The following ABCB9 variants were observed in gnomAD, a reference collection of about 807,000 sequenced individuals.
ABCB9 encodes ABC-type oligopeptide transporter ABCB9.
A neutral mutation model predicts 62.0 loss-of-function variants in ABCB9; 36 were observed. The observed-to-expected ratio is 0.58, with a 90% CI of 0.45 to 0.77. ABCB9 has a LOEUF of 0.77. Ranked by LOEUF, ABCB9 falls within the 30% of genes least tolerant of loss-of-function variation. The pLI is 0.00. For missense variants in ABCB9, 943 were observed against 1,054.7 expected, an observed-to-expected ratio of 0.89 and a Z score of 1.47; for synonymous variants, 435 against 461.4, an observed-to-expected ratio of 0.94 and a Z score of 0.73.
intron 10 of ABCB9, among the ~76,000 whole-genome samples, chr12:122,934,640 C>CAAA (rs371538708): frequency 2.3e-5 from 2 of 88,104 alleles, no homozygotes; most frequent in Admixed American, 1.3e-4. Flanking sequence ...GCCCCTGCCT[C>CAAA]AAAAAAAAAA....
At chr12:122,946,667 C>T (rs1054248005) in intron 5 of ABCB9, among the ~76,000 whole-genome samples, 2 of 152,232 alleles carry the variant, frequency 1.3e-5, no homozygotes, top group African/African-American at 4.8e-5. Flanking sequence ...ACATCATCAA[C>T]ATAAATTATG....
chr12:122,945,220 G>A (rs983275032), intron 6 of ABCB9, among the ~76,000 whole-genome samples: 1 of 152,164 alleles, frequency 6.6e-6, no homozygotes, highest in Admixed American at 6.5e-5. Flanking sequence ...GCACCAGGAA[G>A]TCCCAGATAT....
chr12:122,963,984 G>A (rs899490124), intron 1 of ABCB9, among the ~76,000 whole-genome samples: 5 of 152,198 alleles, frequency 3.3e-5, no homozygotes, highest in African/African-American at 4.8e-5. Flanking sequence ...GGGAGCGAGC[G>A]AGTGGGTGAG....
rs755843136 is a variant in ABCB9 at position 122,960,053 on chromosome 12, C to T, written c.183G>A (p.Leu61=). The T allele has an allele frequency of 1.9e-6, 3 of 1,613,418 alleles. No individual in the cohort carries two copies. In the African/African-American group the frequency reaches 4.0e-5, roughly 22 times the overall value. Residue 61 remains leucine (L), a synonymous_variant, in exon 2 of 12, where the codon CTG becomes CTA. Coordinates refer to ENST00000280560, the MANE Select transcript of ABCB9 (RefSeq NM_019625.4). ...TGGCCACACCAATGGTGGCTCCCAG[C>T]AGCAGGCAGCTGCGGTACAGGCAGG... The part of the protein sequence containing the change: ...WAACLYRSCL[L]LGATIGVAKN...
intron 4 of ABCB9, chr12:122,949,133 A>C: frequency 4.5e-5 from 11 of 246,732 alleles, no homozygotes; most frequent in Non-Finnish European, 7.0e-5. Context: ...CTTCAAACCC[A>C]TGTCTCCTCC....
chr12:122,944,451 C>T lies in ABCB9; in HGVS notation c.1320G>A (p.Met440Ile), dbSNP rs2035928176. Residue 440 changes from methionine (M) to isoleucine (I), a missense_variant, in exon 7 of 12, where the codon ATG (methionine) becomes ATA (isoleucine). Transcript: ENST00000280560. This position sits in a 1 kb window ranked among gnomAD's most constrained non-coding sequence, Gnocchi z 4.9. ...YGGHLVISGQ[M>I]TSGNLIAFII... ...TGAAGGCGATGAGGTTGCCGCTGGT[C>T]ATCTGGCCTGAGATGACAAGGTGGC... 1 of 1,613,954 alleles carries T rather than the reference C, an allele frequency of 6.2e-7. No individual in the cohort carries two copies. Among genetic ancestry groups the T allele is most frequent in the South Asian group, 1.1e-5 (1 of 91,070 alleles).
At chr12:122,927,787 G>GACC (rs1191708922), downstream of ABCB9, among the ~76,000 whole-genome samples, 1 of 152,066 alleles carries the variant, frequency 6.6e-6, no homozygotes, top group Admixed American at 6.6e-5. Flanking sequence ...ACAGGCTGGA[G>GACC]ACCACCTCTA....
At chr12:122,968,453 G>C (rs2037234044), upstream of ABCB9, among the ~76,000 whole-genome samples, 1 of 152,180 alleles carries the variant, frequency 6.6e-6, no homozygotes, top group South Asian at 2.1e-4. Flanking sequence ...ATTATTTTTA[G>C]GAGAGATGGG....
At chr12:122,956,315 AGAGGGGTTAAATAACTT>A (rs1344248722) in intron 2 of ABCB9, among the ~76,000 whole-genome samples, 1 of 152,196 alleles carries the variant, frequency 6.6e-6, no homozygotes, top group Non-Finnish European at 1.5e-5. Flanking sequence ...GCTAAGACTT[AGAGGGGTTAAATAACTT>A]GCCTAACCTC....
chr12:122,948,912 C>A, intron 4 of ABCB9, 83 bp from the exon 5 acceptor site: 1 of 1,192,986 alleles, frequency 8.4e-7, no homozygotes, highest in African/African-American at 1.6e-5. Context: ...GCCTCTGAGA[C>A]AGACACTGGG....
chr12:122,920,990 GTCA>G, exon 12 of ABCB9: 1 of 1,530,794 alleles, frequency 6.5e-7, no homozygotes, highest in Non-Finnish European at 8.8e-7. Flanking sequence ...GGTTATCATT[GTCA>G]TCATCATCAA....
intron 10 of ABCB9, among the ~76,000 whole-genome samples, chr12:122,933,963 G>T (rs2035325655): frequency 6.6e-6 from 1 of 152,112 alleles, no homozygotes; most frequent in African/African-American, 2.4e-5. Context: ...AATATAGCTG[G>T]CCAGACACAG....
intron 6 of ABCB9, 148 bp downstream of exon 6, chr12:122,945,877 C>CAAA (rs766455584): frequency 4.2e-4 from 202 of 477,116 alleles, no homozygotes; most frequent in African/African-American, 9.5e-4. Context: ...GGCTCTGTCT[C>CAAA]AAAAAAAAAA....
At position 122,944,723 on chromosome 12, in the gene ABCB9, C is replaced by T. The variant is rs2035946606; in HGVS notation, c.1252-204G>A. The T allele has an allele frequency of 6.6e-6, 4 of 605,440 alleles. No individual in the cohort carries two copies. The highest frequency in any genetic ancestry group is 1.9e-5 in the African/African-American group (1 of 53,824). The allele number at this position is 605,440 out of a possible 1,614,324, so 37.5% of individuals were successfully genotyped here. A position where few individuals can be genotyped will look rare whatever the true frequency, so the allele number is the denominator to read the frequency against. On this transcript the variant is annotated intron_variant, in intron 6 of 11. Coordinates refer to ENST00000280560, the MANE Select transcript of ABCB9 (RefSeq NM_019625.4). This position sits in a 1 kb window ranked among gnomAD's most constrained non-coding sequence, Gnocchi z 4.9. The stretch of plus-strand genomic sequence containing the variant: ...AGCATTTCCCTACAGAGGCCTCCAG[C>T]TGGAGCAGGCTGTGGGCTTGGCCAC...
At chr12:122,923,208 T>C (rs2034793397) in intron 11 of ABCB9, among the ~76,000 whole-genome samples, 1 of 152,064 alleles carries the variant, frequency 6.6e-6, no homozygotes, top group Non-Finnish European at 1.5e-5. Context: ...GCTCAAGCAA[T>C]CCTCCCGTTT....
chr12:122,966,619 G>A (rs980885116), upstream of ABCB9: 3 of 152,138 alleles, frequency 2.0e-5, no homozygotes, highest in South Asian at 6.2e-4. Flanking sequence ...CCGAGGAGGG[G>A]GCTGGCGAAG....
At position 122,930,170 on chromosome 12, in the gene ABCB9, A is replaced by T; in HGVS notation, c.2042T>A (p.Ile681Asn). Reference protein sequence around the residue: ...SALDAESEYLIQQAIHGNLQK... With the variant: ...SALDAESEYLNQQAIHGNLQK... ...CAGGTTGCCATGGATGGCCTGCTGGATCTGCGGGGACAGTGGGGGCCTGGC... is the reference window on the plus strand; with the variant it reads ...CAGGTTGCCATGGATGGCCTGCTGGTTCTGCGGGGACAGTGGGGGCCTGGC... The change falls in exon 12 of 12, where the codon ATC becomes AAC. Residue 681 changes from isoleucine (I) to asparagine (N), a missense_variant and splice_region_variant. By Grantham distance (149) the Ile-to-Asn change is moderately radical. Coordinates refer to ENST00000280560, the MANE Select transcript of ABCB9 (RefSeq NM_019625.4). This position sits in a 1 kb window ranked among gnomAD's most constrained non-coding sequence, Gnocchi z 4.9. 1 of 1,544,346 alleles carries T rather than the reference A, an allele frequency of 6.5e-7. No individual in the cohort carries two copies. Among genetic ancestry groups the T allele is most frequent in the Non-Finnish European group, 8.8e-7 (1 of 1,142,082 alleles).
At chr12:122,945,397 C>T (rs560686522) in intron 6 of ABCB9, among the ~76,000 whole-genome samples, 4 of 152,196 alleles carry the variant, frequency 2.6e-5, no homozygotes, top group African/African-American at 4.8e-5. Flanking sequence ...GAGGCTGTGA[C>T]GCACTCCCGG....
chr12:122,923,532 G>A (rs1472977167), intron 11 of ABCB9, among the ~76,000 whole-genome samples: 4 of 152,056 alleles, frequency 2.6e-5, no homozygotes, highest in Middle Eastern at 3.4e-3. Context: ...CTCGTGATCC[G>A]CCCGCCTTGG....
Sources: gnomAD v4.1 joint callset for allele counts (sites outside exome capture counted in the v4.1 genomes callset) on GRCh38, gnomAD v4.1.1 for gene constraint, Gnocchi (gnomAD v3.1) non-coding constraint, MANE v1.5 for transcripts, NCBI Gene and HGNC (gene_info 2026-07-23, HGNC 2026-07-21) for gene names.